LMOD3: variants seen among roughly 807,000 people sequenced by gnomAD.
LMOD3 encodes the protein leiomodin 3.
A neutral mutation model predicts 41.8 loss-of-function variants in LMOD3; 31 were observed. The observed-to-expected ratio is 0.74, with a 90% confidence interval of 0.56 to 1.00. The LOEUF is 1.00. Ranked by LOEUF, LMOD3 falls within the 50% of genes least tolerant of loss-of-function variation. The pLI is 0.00. For missense variants in LMOD3, 755 were observed against 679.5 expected, an observed-to-expected ratio of 1.11 and a Z score of -1.23; for synonymous variants, 292 against 241.9, an observed-to-expected ratio of 1.21 and a Z score of -1.92.
chr3:69,116,189 T>C (rs2092371859), intron 2 of LMOD3, among the ~76,000 whole-genome samples: 1 of 152,222 alleles, frequency 6.6e-6, no homozygotes, highest in Non-Finnish European at 1.5e-5. Context: ...AACAGAGTGC[T>C]GGGAAGCAAT....
chr3:69,122,462 C>A lies in LMOD3; in HGVS notation c.-76G>T. ...TTTTTAAAAAGAAGGAAAAAAGCCT[C>A]AAGAAGGTCCCCCAGTTAACGAGTG... On this transcript the variant is annotated 5_prime_UTR_variant, in exon 1 of 3. Transcript: ENST00000420581. 8.8e-7 allele frequency: 1 copy of A among 1,134,212 alleles called. No homozygotes were observed. Among genetic ancestry groups the A allele is most frequent in the Non-Finnish European group, 1.2e-6 (1 of 816,888 alleles). The allele number at this position is 1,134,212 out of a possible 1,614,324, so 70.3% of individuals were successfully genotyped here.
intron 2 of LMOD3, among the ~76,000 whole-genome samples, chr3:69,117,091 C>A (rs2092378044): frequency 1.3e-5 from 2 of 152,228 alleles, no homozygotes; most frequent in African/African-American, 2.4e-5. Flanking sequence ...GGAGTTCTGG[C>A]TGTCCAGAGA....
intron 2 of LMOD3, among the ~76,000 whole-genome samples, chr3:69,117,727 A>G (rs918746922): frequency 6.6e-6 from 1 of 152,188 alleles, no homozygotes; most frequent in African/African-American, 2.4e-5. Context: ...AAAGTGAGCA[A>G]TACAAATGCA....
In LMOD3 at chr3:69,108,171, A is replaced by C. The variant is rs1457141468; in HGVS notation, c.*924T>G. The C allele has an allele frequency of 6.6e-6, 1 of 152,190 alleles. No individual in the cohort carries two copies. The highest frequency in any genetic ancestry group is 2.4e-5 in the African/African-American group (1 of 41,432). The allele number at this position is 152,190 out of a possible 1,614,324, so 9.4% of individuals were successfully genotyped here. The stretch of plus-strand genomic sequence containing the variant: ...TCAAGTTTAATCCTTCCTGTAAGCA[A>C]GTTTCCTTTAAAATATGTTTGAGAG... On this transcript the variant is annotated 3_prime_UTR_variant, in exon 3 of 3. Transcript: ENST00000420581.
At position 69,107,465 on chromosome 3, in the gene LMOD3, T is replaced by TG. The variant is rs2092328079; in HGVS notation, c.*1629_*1630insC. On this transcript the variant is annotated 3_prime_UTR_variant, in exon 3 of 3. Coordinates refer to ENST00000420581, the MANE Select transcript of LMOD3 (RefSeq NM_198271.5). ...AAAGGCACCAAAGGTTTTTTTTTTT[T>TG]TTTTTTTTTTTTTTTTTTTTTTTTT... 2.2e-5 allele frequency: 2 copies of TG among 92,570 alleles called. No individual in the cohort carries two copies. The highest frequency in any genetic ancestry group is 5.4e-5 in the African/African-American group (1 of 18,676). 5.7% of individuals were successfully genotyped at this position (92,570 alleles called of 1,614,324 possible). A position where few individuals can be genotyped will look rare whatever the true frequency, so the allele number is the denominator to read the frequency against.
intron 2 of LMOD3, among the ~76,000 whole-genome samples, chr3:69,117,472 G>A (rs992060883): frequency 1.3e-5 from 2 of 152,086 alleles, no homozygotes; most frequent in African/African-American, 4.8e-5. Context: ...TATTACAGGA[G>A]ATTTTAAAAT....
chr3:69,108,715 T>C lies in LMOD3; in HGVS notation c.*380A>G, dbSNP rs1254569273. Reference sequence around the variant, plus strand: ...CAGAAGAGATGGAAGGAGAAAAAAATGGGAATACAATAGTTAACACTTCTG... The same window carrying C: ...CAGAAGAGATGGAAGGAGAAAAAAACGGGAATACAATAGTTAACACTTCTG... On this transcript the variant is annotated 3_prime_UTR_variant, in exon 3 of 3. Transcript: ENST00000420581. 1.2e-5 allele frequency: 2 copies of C among 171,134 alleles called. No individual in the cohort carries two copies. Among genetic ancestry groups the C allele is most frequent in the Non-Finnish European group, 2.5e-5 (2 of 80,796 alleles). 10.6% of individuals were successfully genotyped at this position (171,134 alleles called of 1,614,324 possible).
chr3:69,119,087 C>A lies in LMOD3; in HGVS notation c.1268G>T (p.Gly423Val). Residue 423 changes from glycine (G) to valine (V), a missense_variant, in exon 2 of 3, where the codon GGG becomes GTG. Gly to Val is a moderately radical substitution (Grantham distance 109). Transcript: ENST00000420581. Reference protein sequence around the residue: ...QKKLIAMLENGLGLPPGMWEL... With the variant: ...QKKLIAMLENVLGLPPGMWEL... ...CCACATCCCAGGGGGCAGCCCCAAC[C>A]CATTCTCTAACATGGCTATCAGCTT... 1 of 1,613,756 alleles carries A rather than the reference C, an allele frequency of 6.2e-7. No homozygotes were observed. The highest frequency in any genetic ancestry group is 8.5e-7 in the Non-Finnish European group (1 of 1,179,874).
intron 2 of LMOD3, among the ~76,000 whole-genome samples, chr3:69,116,307 C>T (rs2092372786): frequency 6.6e-6 from 1 of 152,180 alleles, no homozygotes; most frequent in Admixed American, 6.5e-5. Flanking sequence ...CATTTTGTAA[C>T]TGAGACACAT....
At chr3:69,113,090 C>T (rs1205024850) in intron 2 of LMOD3, among the ~76,000 whole-genome samples, 1 of 152,052 alleles carries the variant, frequency 6.6e-6, no homozygotes, top group Non-Finnish European at 1.5e-5. Context: ...TATAGATCAT[C>T]CTGGTTTCTT....
Position 69,119,744 on chromosome 3 carries a change from T to A in LMOD3, c.611A>T (p.Glu204Val), listed in dbSNP as rs2107526679. 2 of 1,613,846 alleles carry A rather than the reference T, an allele frequency of 1.2e-6. No homozygotes were observed. Among genetic ancestry groups the A allele is most frequent in the South Asian group, 2.2e-5 (2 of 91,062 alleles). Residue 204 changes from glutamate to valine, a missense_variant, in exon 2 of 3, where the codon GAG becomes GTG. By Grantham distance (121) the Glu-to-Val change is moderately radical. Coordinates refer to ENST00000420581, the MANE Select transcript of LMOD3 (RefSeq NM_198271.5). Reference protein sequence around the residue: ...KAFKEQRDRPEAQEQSEKKIS... With the variant: ...KAFKEQRDRPVAQEQSEKKIS... ...TTTTTTCTCACTTTGTTCTTGGGCC[T>A]CTGGTCTGTCTCTCTGTTCTTTGAA...
Position 69,119,827 on chromosome 3 carries a change from T to C in LMOD3, c.528A>G (p.Lys176=). The C allele has an allele frequency of 6.3e-7, 1 of 1,579,384 alleles. No homozygotes were observed. Among genetic ancestry groups the C allele is most frequent in the Non-Finnish European group, 8.6e-7 (1 of 1,161,040 alleles). ...SEETNREEEG[K]AKEQIRNCEN... is the part of the protein sequence containing the mutation. ...CACAATTTCTAATTTGTTCCTTTGC[T>C]TTGCCTTCCTCTTCTCTGTTCGTTT... Residue 176 remains lysine, a synonymous_variant, in exon 2 of 3, where the codon AAA becomes AAG. Coordinates refer to ENST00000420581, the MANE Select transcript of LMOD3 (RefSeq NM_198271.5).
chr3:69,118,919 C>T lies in LMOD3; in HGVS notation c.1436G>A (p.Arg479Lys), dbSNP rs766641333. The change falls in exon 2 of 3, where the codon AGG becomes AAG. Residue 479 changes from arginine to lysine, a missense_variant. Arg to Lys is a conservative substitution (Grantham distance 26, BLOSUM62 2). Coordinates refer to ENST00000420581, the MANE Select transcript of LMOD3 (RefSeq NM_198271.5). ...MKKPSQAPKY[R>K]TDPDSFRVVK... ...CACCCGGAAGGAGTCAGGGTCTGTC[C>T]TGTACTTCGGGGCCTGCGATGGCTT... The T allele has an allele frequency of 6.2e-7, 1 of 1,611,942 alleles. No homozygotes were observed. The highest frequency in any genetic ancestry group is 8.5e-7 in the Non-Finnish European group (1 of 1,179,554).
Position 69,107,494 on chromosome 3 carries a change from T to TTTTG in LMOD3, c.*1600_*1601insCAAA, listed in dbSNP as rs1252768762. 1.6e-5 allele frequency: 2 copies of TTTTG among 125,114 alleles called. No individual in the cohort carries two copies. The highest frequency in any genetic ancestry group is 3.2e-5 in the Non-Finnish European group (2 of 62,704). 7.8% of individuals were successfully genotyped at this position (125,114 alleles called of 1,614,324 possible). ...TTTTTTTTTTTTTTTTTTTTTTTTT[T>TTTTG]GAGATGGAGTATCACTCTGTCACCC... On this transcript the variant is annotated 3_prime_UTR_variant, in exon 3 of 3. Coordinates refer to ENST00000420581, the MANE Select transcript of LMOD3 (RefSeq NM_198271.5).
intron 2 of LMOD3, 144 bp downstream of exon 2, chr3:69,118,555 A>C (rs2092388054): frequency 2.3e-6 from 2 of 855,538 alleles, no homozygotes; most frequent in South Asian, 2.1e-5. Flanking sequence ...GCAGTAATTT[A>C]GTTCTATTGG....
chr3:69,115,136 C>G (rs896555354), intron 2 of LMOD3, among the ~76,000 whole-genome samples: 6 of 152,090 alleles, frequency 3.9e-5, no homozygotes, highest in African/African-American at 1.4e-4. Context: ...GCCTCCCAAA[C>G]TGTTGAGATT....
intron 2 of LMOD3, among the ~76,000 whole-genome samples, chr3:69,111,071 C>T (rs939166965): frequency 6.6e-6 from 1 of 151,956 alleles, no homozygotes; most frequent in Non-Finnish European, 1.5e-5. Context: ...CCAGAGGACA[C>T]TGAAGATGCC....
chr3:69,114,199 C>G (rs2092361408), intron 2 of LMOD3, among the ~76,000 whole-genome samples: 1 of 152,138 alleles, frequency 6.6e-6, no homozygotes, highest in Non-Finnish European at 1.5e-5. Context: ...GTGGCCAGAT[C>G]TGATGTTCCA....
rs2092333917 is a variant in LMOD3, at chr3:69,108,655, T to A, written c.*440A>T. On this transcript the variant is annotated 3_prime_UTR_variant, in exon 3 of 3. Transcript: ENST00000420581. The stretch of plus-strand genomic sequence containing the variant: ...ACATTTCCATAGGATGAAACATTAT[T>A]TGTTCCCTTTAAGATACTATGTGAT... The A allele has an allele frequency of 6.5e-6, 1 of 154,044 alleles. No individual in the cohort carries two copies. Among genetic ancestry groups the A allele is most frequent in the Admixed American group, 6.5e-5 (1 of 15,308 alleles). The allele number at this position is 154,044 out of a possible 1,614,324, so 9.5% of individuals were successfully genotyped here. A position where few individuals can be genotyped will look rare whatever the true frequency, so the allele number is the denominator to read the frequency against.
Sources: gnomAD v4.1 joint callset for allele counts (sites outside exome capture counted in the v4.1 genomes callset) on GRCh38, gnomAD v4.1.1 for gene constraint, MANE v1.5 for transcripts, NCBI Gene and HGNC (gene_info 2026-07-23, HGNC 2026-07-21) for gene names.